GRM7: variants seen among roughly 807,000 people sequenced by gnomAD.
GRM7 encodes the protein metabotropic glutamate receptor 7.
A neutral mutation model predicts 84.5 loss-of-function variants in GRM7; 35 were observed. That is an observed-to-expected ratio of 0.41 (90% CI 0.32 to 0.55). GRM7 has a LOEUF of 0.55. GRM7 is among the 20% of genes least tolerant of loss of function. The pLI is 0.19. For missense variants in GRM7, 1,003 were observed against 1,194.6 expected (o/e 0.84, Z 2.36); for synonymous variants, 487 against 455.1 (o/e 1.07, Z -0.89).
chr3:6,934,821 A>G (rs1697631744), intron 1 of GRM7, among the ~76,000 whole-genome samples: 1 of 152,162 alleles, frequency 6.6e-6, no homozygotes, highest in Admixed American at 6.5e-5. Flanking sequence ...AAGGACTCCT[A>G]GATTTTTGCC....
chr3:7,336,994 C>T (rs573426956), intron 4 of GRM7, among the ~76,000 whole-genome samples: 1 of 152,102 alleles, frequency 6.6e-6, no homozygotes, highest in East Asian at 1.9e-4. Flanking sequence ...AAATTCAATG[C>T]AATTCCCATC....
intron 2 of GRM7, among the ~76,000 whole-genome samples, chr3:7,201,935 C>T (rs978639490): frequency 6.6e-6 from 1 of 152,088 alleles, no homozygotes; most frequent in African/African-American, 2.4e-5. Context: ...AATGTATTGC[C>T]TTGACAGGAT....
intron 8 of GRM7, among the ~76,000 whole-genome samples, chr3:7,667,012 A>G (rs1211976288): frequency 2.0e-5 from 3 of 152,078 alleles, no homozygotes; most frequent in East Asian, 1.9e-4. Context: ...CAGCAGACCT[A>G]TGAGGTTGGA....
chr3:7,182,664 C>T (rs866362024), intron 2 of GRM7, among the ~76,000 whole-genome samples: 8 of 152,166 alleles, frequency 5.3e-5, no homozygotes, highest in South Asian at 4.1e-4. Flanking sequence ...TTCAATTAAT[C>T]GTAACCAGAA....
intron 1 of GRM7, among the ~76,000 whole-genome samples, chr3:6,880,207 C>A (rs1394991722): frequency 2.0e-5 from 3 of 152,120 alleles, no homozygotes; most frequent in African/African-American, 7.2e-5. Context: ...CATTCCCAGT[C>A]TCCCCGACAA....
At chr3:7,483,614 G>A (rs775236073) in intron 7 of GRM7, among the ~76,000 whole-genome samples, 11 of 152,148 alleles carry the variant, frequency 7.2e-5, no homozygotes, top group South Asian at 4.1e-4. Flanking sequence ...ATAGAAAGCC[G>A]TGTAGTGATT....
intron 1 of GRM7, among the ~76,000 whole-genome samples, chr3:6,891,865 T>C (rs950102790): frequency 6.6e-6 from 1 of 152,208 alleles, no homozygotes; most frequent in African/African-American, 2.4e-5. Context: ...CACTTTCAGG[T>C]AGGCCAATCA....
At chr3:7,390,174 A>C (rs975551348) in intron 4 of GRM7, among the ~76,000 whole-genome samples, 10 of 152,114 alleles carry the variant, frequency 6.6e-5, no homozygotes, top group Non-Finnish European at 1.3e-4. Context: ...AATGCTAAAA[A>C]TGCGCCCCCA....
chr3:6,923,621 TC>T (rs1335708966), intron 1 of GRM7, among the ~76,000 whole-genome samples: 1 of 152,154 alleles, frequency 6.6e-6, no homozygotes, highest in Admixed American at 6.6e-5. Flanking sequence ...AGGGTTTTTT[TC>T]CCCCTGCACT....
intron 2 of GRM7, among the ~76,000 whole-genome samples, chr3:7,194,811 G>C (rs1695826564): frequency 6.6e-6 from 1 of 152,154 alleles, no homozygotes; most frequent in Non-Finnish European, 1.5e-5. Flanking sequence ...ACTTAGCAGA[G>C]TTTCTGGCAC....
At position 7,468,767 on chromosome 3, in the gene GRM7, A is replaced by G. The variant is rs192895610; in HGVS notation, c.1515+7045A>G. On this transcript the variant is annotated intron_variant, in intron 7 of 9. Transcript: ENST00000357716. ...AGTGAGTGAGTTTTCATGAGATCTGATGCTTTTGTAAGTGTCTGGCATTTC... is the reference window on the plus strand; with the variant it reads ...AGTGAGTGAGTTTTCATGAGATCTGGTGCTTTTGTAAGTGTCTGGCATTTC... Among the ~76,000 whole-genome samples the G allele has an allele frequency of 5.4e-3, 815 of 151,834 alleles. 8 individuals carry two copies. The highest frequency in any genetic ancestry group is 0.019 in the African/African-American group (765 of 41,170).
At chr3:7,356,874 A>G (rs538248817) in intron 4 of GRM7, among the ~76,000 whole-genome samples, 1 of 147,090 alleles carries the variant, frequency 6.8e-6, no homozygotes, top group South Asian at 2.2e-4. Context: ...GGCTTCTCTC[A>G]TCCTCCAGCT....
intron 2 of GRM7, among the ~76,000 whole-genome samples, chr3:7,201,654 C>T (rs1696073501): frequency 1.3e-5 from 2 of 152,182 alleles, no homozygotes; most frequent in African/African-American, 4.8e-5. Flanking sequence ...TAAGTAATCC[C>T]TTCAGAAGCA....
At chr3:7,250,450 A>G (rs1039723497) in intron 2 of GRM7, among the ~76,000 whole-genome samples, 2 of 151,844 alleles carry the variant, frequency 1.3e-5, no homozygotes, top group East Asian at 1.9e-4. Context: ...ATTTATTGCT[A>G]TTATATATAT....
At chr3:7,531,891 A>C (rs1192354493) in intron 7 of GRM7, among the ~76,000 whole-genome samples, 1 of 152,176 alleles carries the variant, frequency 6.6e-6, no homozygotes, top group Non-Finnish European at 1.5e-5. Context: ...TGATTTTCAA[A>C]GGGAACGCTT....
chr3:7,259,047 C>G (rs1173659280), intron 2 of GRM7, among the ~76,000 whole-genome samples: 1 of 152,204 alleles, frequency 6.6e-6, no homozygotes, highest in African/African-American at 2.4e-5. Flanking sequence ...TAGGTTGGAG[C>G]CAGATAGAGC....
chr3:7,306,788 T>C, intron 4 of GRM7, 136 bp downstream of exon 4: 2 of 633,922 alleles, frequency 3.2e-6, no homozygotes. Context: ...AGCCATGAAA[T>C]GCAAATGAGG....
intron 7 of GRM7, among the ~76,000 whole-genome samples, chr3:7,512,558 A>G (rs1421538674): frequency 1.3e-5 from 2 of 149,362 alleles, no homozygotes; most frequent in East Asian, 2.0e-4. Context: ...ATGGATATGT[A>G]GGGATCTTGT....
intron 9 of GRM7, among the ~76,000 whole-genome samples, chr3:7,708,087 G>C (rs1224790019): frequency 6.6e-6 from 1 of 151,632 alleles, no homozygotes; most frequent in Non-Finnish European, 1.5e-5. Context: ...GGATTTTACA[G>C]GATATAAACT....
Sources: allele counts gnomAD v4.1 joint callset (sites outside exome capture counted in the v4.1 genomes callset), GRCh38; gene constraint gnomAD v4.1.1; transcripts MANE v1.5; gene names NCBI Gene and HGNC (gene_info 2026-07-23, HGNC 2026-07-21).